The following PTPRF variants were observed in gnomAD, a reference collection of about 807,000 sequenced individuals.
PTPRF encodes protein tyrosine phosphatase receptor type F, also known as receptor-type tyrosine-protein phosphatase F.
In PTPRF, 59 loss-of-function variants were observed where a neutral mutation model predicts 201.8. That is an observed-to-expected ratio of 0.29 (90% CI 0.24 to 0.36). The LOEUF is 0.36. PTPRF is among the 10% of genes least tolerant of loss of function. The probability of loss-of-function intolerance (pLI) is 1.00; values close to 1 mark genes in which losing one functional copy is unlikely to be tolerated. For synonymous variants in PTPRF, 1,088 were observed against 1,089.7 expected (o/e 1.00, Z 0.03); for missense variants, 2,132 against 2,690.5 (o/e 0.79, Z 4.59).
chr1:43,566,068 G>A (rs1256964031), intron 5 of PTPRF, among the ~76,000 whole-genome samples: 2 of 152,208 alleles, frequency 1.3e-5, no homozygotes, highest in Non-Finnish European at 2.9e-5. Context: ...TTCGCTTTGC[G>A]GTAGATGCAA....
At chr1:43,523,103 G>A (rs1270229256), upstream of PTPRF, among the ~76,000 whole-genome samples, 2 of 152,184 alleles carry the variant, frequency 1.3e-5, no homozygotes, top group Non-Finnish European at 2.9e-5. Context: ...AAAATGAACA[G>A]GATTCTGGCT....
At chr1:43,532,692 A>G (rs1174849478) in intron 1 of PTPRF, 2 of 150,298 alleles carry the variant, frequency 1.3e-5, no homozygotes, top group Non-Finnish European at 3.0e-5. Context: ...TTAGCTCCTT[A>G]TTAACTCTTG....
intron 6 of PTPRF, among the ~76,000 whole-genome samples, chr1:43,573,376 A>G: frequency 6.6e-6 from 1 of 152,178 alleles, no homozygotes; most frequent in East Asian, 1.9e-4. Context: ...AGGACAGCCT[A>G]ACTCACTAAG....
chr1:43,612,476 T>C (rs1656683498), intron 22 of PTPRF, among the ~76,000 whole-genome samples: 1 of 152,054 alleles, frequency 6.6e-6, no homozygotes, highest in African/African-American at 2.4e-5. Flanking sequence ...GGTTTGGACT[T>C]AAGTATTTAG....
chr1:43,616,573 C>T (rs937906759), intron 23 of PTPRF, among the ~76,000 whole-genome samples: 4 of 151,306 alleles, frequency 2.6e-5, no homozygotes, highest in African/African-American at 7.3e-5. Context: ...ACTGGCAGGG[C>T]GGGGTTGGTG....
At chr1:43,602,584 G>A (rs1654021893) in intron 14 of PTPRF, among the ~76,000 whole-genome samples, 1 of 151,786 alleles carries the variant, frequency 6.6e-6, no homozygotes, top group African/African-American at 2.4e-5. Context: ...CAGAGCTGGA[G>A]GGATACCAGG....
intron 22 of PTPRF, among the ~76,000 whole-genome samples, chr1:43,610,681 A>G (rs769991203): frequency 1.4e-4 from 22 of 152,202 alleles, no homozygotes; most frequent in Non-Finnish European, 2.9e-4. Flanking sequence ...GGAGTTCGAG[A>G]CCAGCTAATG....
chr1:43,533,693 G>A (rs1350999586), intron 1 of PTPRF, among the ~76,000 whole-genome samples: 2 of 152,158 alleles, frequency 1.3e-5, no homozygotes, highest in Non-Finnish European at 2.9e-5. Context: ...GCAGTGCATC[G>A]TCAGCAGTGG....
At chr1:43,557,403 G>T (rs1461191208) in intron 5 of PTPRF, among the ~76,000 whole-genome samples, 1 of 152,220 alleles carries the variant, frequency 6.6e-6, no homozygotes, top group Non-Finnish European at 1.5e-5. Flanking sequence ...GGAGGCAGAG[G>T]CCTGCACATC....
In PTPRF at chr1:43,598,769, T is replaced by C; in HGVS notation, c.2169T>C (p.Thr723=). The change falls in exon 13 of 34, where the codon ACT becomes ACC. Residue 723 remains threonine (T), a synonymous_variant. Coordinates refer to ENST00000359947, the MANE Select transcript of PTPRF (RefSeq NM_002840.5). ...TGGAGGTGGAGCCACTGAACTCCAC[T>C]GCTGTGCATGTCTACTGGAAGCTGC... ...RKVEVEPLNS[T]AVHVYWKLPV... 3.7e-6 allele frequency: 6 copies of C among 1,614,160 alleles called. No homozygotes were observed. Among genetic ancestry groups the C allele is most frequent in the Non-Finnish European group, 5.1e-6 (6 of 1,179,998 alleles).
Position 43,620,588 on chromosome 1 carries a change from G to C in PTPRF, c.5364+9G>C. On this transcript the variant is annotated intron_variant, in intron 31 of 33. Coordinates refer to ENST00000359947, the MANE Select transcript of PTPRF (RefSeq NM_002840.5). ...AGGTCACGGATGCCCGGGTGAGTGA[G>C]TGCATTGAGTGTGTCCATAACGCTG... 2 of 1,612,752 alleles carry C rather than the reference G, an allele frequency of 1.2e-6. No homozygotes were observed. The highest frequency in any genetic ancestry group is 1.7e-6 in the Non-Finnish European group (2 of 1,179,190).
intron 3 of PTPRF, among the ~76,000 whole-genome samples, chr1:43,550,186 C>G (rs1644932843): frequency 6.6e-6 from 1 of 152,174 alleles, no homozygotes; most frequent in Non-Finnish European, 1.5e-5. Context: ...TCCTCTCCAG[C>G]CTCCAAGGGA....
intron 13 of PTPRF, among the ~76,000 whole-genome samples, chr1:43,600,156 C>T (rs1653392866): frequency 6.6e-6 from 1 of 152,216 alleles, no homozygotes; most frequent in Non-Finnish European, 1.5e-5. Context: ...GGCATGTGCA[C>T]CCACCTGCAT....
chr1:43,544,612 T>G (rs563549949), intron 2 of PTPRF, among the ~76,000 whole-genome samples: 13 of 152,320 alleles, frequency 8.5e-5, no homozygotes, highest in African/African-American at 2.9e-4. Flanking sequence ...GTCACTGTCT[T>G]GTCTCTCTGT....
In PTPRF at chr1:43,537,925, G is replaced by A. The variant is rs1350876773; in HGVS notation, c.-125-273G>A. Among the ~76,000 whole-genome samples, 1 of 152,132 alleles carries A rather than the reference G, an allele frequency of 6.6e-6. No individual in the cohort carries two copies. Among genetic ancestry groups the A allele is most frequent in the East Asian group, 1.9e-4 (1 of 5,180 alleles). On this transcript the variant is annotated intron_variant, in intron 1 of 33. Coordinates refer to ENST00000359947, the MANE Select transcript of PTPRF (RefSeq NM_002840.5). This position sits in a 1 kb window ranked among gnomAD's most constrained non-coding sequence, Gnocchi z 4.8. Reference sequence around the variant, plus strand: ...GCCACAGAGTCTACTGCTGAGGTCAGGGACTTGGTCTGTGTGGCTCACAGC... The same window carrying A: ...GCCACAGAGTCTACTGCTGAGGTCAAGGACTTGGTCTGTGTGGCTCACAGC...
chr1:43,592,032 G>A (rs770475635), intron 10 of PTPRF, 84 bp downstream of exon 10: 1 of 1,564,226 alleles, frequency 6.4e-7, no homozygotes, highest in Non-Finnish European at 8.7e-7. Context: ...GGTATTTTCT[G>A]GATTCTGTGG....
At chr1:43,524,914 G>A (rs902116402), upstream of PTPRF, among the ~76,000 whole-genome samples, 3 of 152,228 alleles carry the variant, frequency 2.0e-5, no homozygotes, top group East Asian at 1.9e-4. Context: ...GTTCCAAGCC[G>A]ACTGGAGAAC....
intron 22 of PTPRF, chr1:43,613,219 G>A (rs1656921824): frequency 9.5e-6 from 3 of 316,952 alleles, no homozygotes; most frequent in Non-Finnish European, 1.8e-5. Context: ...CTCCCATGGT[G>A]ACTGCCACCG....
Position 43,618,766 on chromosome 1 carries a change from G to T in PTPRF, c.4491+17G>T, listed in dbSNP as rs1231415210. 1 of 1,590,252 alleles carries T rather than the reference G, an allele frequency of 6.3e-7. No individual in the cohort carries two copies. On this transcript the variant is annotated intron_variant, in intron 26 of 33. Coordinates refer to ENST00000359947, the MANE Select transcript of PTPRF (RefSeq NM_002840.5). ...CTCCACAAGGTATAGCCTTTCCCCA[G>T]TGCATATCTCTTACCCAGACACTGT... is the stretch of plus-strand genomic sequence containing the variant.
Sources: allele counts gnomAD v4.1 joint callset (sites outside exome capture counted in the v4.1 genomes callset), GRCh38; gene constraint gnomAD v4.1.1; non-coding constraint Gnocchi (gnomAD v3.1); transcripts MANE v1.5; gene names NCBI Gene and HGNC (gene_info 2026-07-23, HGNC 2026-07-21).